TRIT1: variants seen among roughly 807,000 people sequenced by gnomAD.
TRIT1 encodes the protein tRNA isopentenyltransferase 1, also known as tRNA dimethylallyltransferase.
A neutral mutation model predicts 51.2 loss-of-function variants in TRIT1; 43 were observed. The observed-to-expected ratio is 0.84, with a 90% CI of 0.66 to 1.08. The LOEUF (loss-of-function observed/expected upper bound fraction) is 1.08. TRIT1 is among the 50% of genes least tolerant of loss of function. The probability of loss-of-function intolerance (pLI) is 0.00; values close to 1 mark genes in which losing one functional copy is unlikely to be tolerated. For missense variants in TRIT1, 528 were observed against 578.4 expected, an observed-to-expected ratio of 0.91 and a Z score of 0.89; for synonymous variants, 184 against 203.9, an observed-to-expected ratio of 0.90 and a Z score of 0.83.
rs530655560 is a variant in TRIT1, at chr1:39,879,954, A to ATCACGAGG, written c.174+3356_174+3363dup. ...CATTTTGGGAGGTTGAGGTGGGCGG[A>ATCACGAGG]TCACGAGGTCAAGAGATCAAGACCA... On this transcript the variant is annotated intron_variant, in intron 1 of 10. Transcript: ENST00000316891. Among the ~76,000 whole-genome samples, 153 of 151,044 alleles carry ATCACGAGG rather than the reference A, an allele frequency of 1.0e-3. 5 individuals carry two copies. In the East Asian group the frequency reaches 0.025, roughly 24 times the overall value.
At chr1:39,866,518 T>C (rs1237846359) in intron 1 of TRIT1, among the ~76,000 whole-genome samples, 1 of 152,244 alleles carries the variant, frequency 6.6e-6, no homozygotes, top group Non-Finnish European at 1.5e-5. Flanking sequence ...CTTGACTCAC[T>C]TTACTTTTTT....
chr1:39,847,661 C>T lies in TRIT1; in HGVS notation c.816-1G>A, dbSNP rs1474751303. ...GAAGATACCATGTTGATAGTCCTGG[C>T]TGGGAACAGGAGGGTATCAGCAGAT... On this transcript the variant is annotated splice_acceptor_variant, in intron 6 of 10. Coordinates refer to ENST00000316891, the MANE Select transcript of TRIT1 (RefSeq NM_017646.6). LOFTEE classifies it high-confidence loss of function. 6.2e-7 allele frequency: 1 copy of T among 1,614,134 alleles called. No homozygotes were observed. Among genetic ancestry groups the T allele is most frequent in the Admixed American group, 1.7e-5 (1 of 60,022 alleles).
intron 2 of TRIT1, among the ~76,000 whole-genome samples, chr1:39,854,431 C>T (rs1642773466): frequency 6.6e-6 from 1 of 152,234 alleles, no homozygotes; most frequent in Non-Finnish European, 1.5e-5. Flanking sequence ...ATCAAGGTGA[C>T]ATCCATTGCA....
At position 39,841,615 on chromosome 1, in the gene TRIT1, A is replaced by G; in HGVS notation, c.*129T>C. 1.1e-6 allele frequency: 1 copy of G among 940,452 alleles called. No homozygotes were observed. The highest frequency in any genetic ancestry group is 1.5e-6 in the Non-Finnish European group (1 of 654,242). The allele number at this position is 940,452 out of a possible 1,614,324, so 58.3% of individuals were successfully genotyped here. ...GACTTTAAAACCACATCAAAAGAAA[A>G]TGGTGGGAGCTTTTCTGCTATGCAG... On this transcript the variant is annotated 3_prime_UTR_variant, in exon 11 of 11. Transcript: ENST00000316891.
chr1:39,878,995 C>T (rs1219376770), intron 1 of TRIT1, among the ~76,000 whole-genome samples: 1 of 152,156 alleles, frequency 6.6e-6, no homozygotes, highest in Non-Finnish European at 1.5e-5. Context: ...CCTGGCCTGG[C>T]GCAGTGGCTC....
chr1:39,848,338 T>C (rs1642356369), intron 5 of TRIT1, among the ~76,000 whole-genome samples: 1 of 152,142 alleles, frequency 6.6e-6, no homozygotes, highest in African/African-American at 2.4e-5. Flanking sequence ...AGAGAAAGCA[T>C]ACAATTACAG....
At chr1:39,864,834 G>A (rs1266700606) in intron 1 of TRIT1, among the ~76,000 whole-genome samples, 3 of 152,172 alleles carry the variant, frequency 2.0e-5, no homozygotes, top group African/African-American at 7.2e-5. Flanking sequence ...AGAGCTCTGA[G>A]TGCTGGCTGT....
At chr1:39,855,096 T>A (rs1642819481) in intron 2 of TRIT1, among the ~76,000 whole-genome samples, 1 of 152,174 alleles carries the variant, frequency 6.6e-6, no homozygotes, top group South Asian at 2.1e-4. Context: ...AAGCAATCCA[T>A]CCACTGCAGC....
At chr1:39,873,751 C>T (rs982030724) in intron 1 of TRIT1, among the ~76,000 whole-genome samples, 1 of 152,168 alleles carries the variant, frequency 6.6e-6, no homozygotes, top group Non-Finnish European at 1.5e-5. Context: ...GGGCCAGGCA[C>T]AGTGTCTCAC....
At chr1:39,879,451 A>C (rs1480829262) in intron 1 of TRIT1, among the ~76,000 whole-genome samples, 1 of 151,886 alleles carries the variant, frequency 6.6e-6, no homozygotes, top group Non-Finnish European at 1.5e-5. Context: ...TGAAGTGATA[A>C]TATCCATTTT....
chr1:39,851,544 C>T (rs1041835439), intron 4 of TRIT1, among the ~76,000 whole-genome samples: 1 of 152,132 alleles, frequency 6.6e-6, no homozygotes, highest in African/African-American at 2.4e-5. Flanking sequence ...CTAAAACATG[C>T]ATTCTTAATG....
chr1:39,882,338 C>A (rs1016528268), intron 1 of TRIT1, among the ~76,000 whole-genome samples: 2 of 152,218 alleles, frequency 1.3e-5, no homozygotes, highest in African/African-American at 4.8e-5. Flanking sequence ...GGGAAAGGAA[C>A]TGCCCTTCTT....
rs1652481401 is a variant in TRIT1 at position 39,839,238 on chromosome 1, A to G, written c.*2506T>C. Among the ~76,000 whole-genome samples the G allele has an allele frequency of 1.3e-5, 2 of 152,298 alleles. No individual in the cohort carries two copies. Among genetic ancestry groups the G allele is most frequent in the South Asian group, 2.1e-4 (1 of 4,824 alleles). On this transcript the variant is annotated 3_prime_UTR_variant, in exon 11 of 11. Transcript: ENST00000316891. Reference sequence around the variant, plus strand: ...GATTGCTATGGCCAGATGGTACAAAATGGCATTCCTCATTCTCACTCCAGG... The same window carrying G: ...GATTGCTATGGCCAGATGGTACAAAGTGGCATTCCTCATTCTCACTCCAGG...
chr1:39,855,308 T>C (rs1376287385), intron 2 of TRIT1, among the ~76,000 whole-genome samples: 1 of 152,156 alleles, frequency 6.6e-6, no homozygotes, highest in Non-Finnish European at 1.5e-5. Flanking sequence ...GGAAGAAAGA[T>C]GTTACCAATC....
Position 39,848,017 on chromosome 1 carries a change from G to C in TRIT1, c.784C>G (p.Arg262Gly). The C allele has an allele frequency of 6.2e-7, 1 of 1,614,014 alleles. No homozygotes were observed. Among genetic ancestry groups the C allele is most frequent in the Non-Finnish European group, 8.5e-7 (1 of 1,179,966 alleles). Residue 262 changes from arginine (R) to glycine (G), a missense_variant, in exon 6 of 11, where the codon CGC (arginine) becomes GGC (glycine). Transcript: ENST00000316891. ...LLEELRDFHR[R>G]YNQKNVSENS... is the part of the protein sequence containing the mutation. Reference sequence around the variant, plus strand: ...TCCGAAACATTCTTCTGATTATAGCGTCTGTGAAAATCTCTTAGTTCCTCC... The same window carrying C: ...TCCGAAACATTCTTCTGATTATAGCCTCTGTGAAAATCTCTTAGTTCCTCC...
chr1:39,866,630 A>T (rs1643571473), intron 1 of TRIT1, among the ~76,000 whole-genome samples: 1 of 152,164 alleles, frequency 6.6e-6, no homozygotes. Flanking sequence ...TCTGGCAGAA[A>T]TTCAACTGTA....
intron 1 of TRIT1, among the ~76,000 whole-genome samples, chr1:39,865,623 G>A (rs2124646052): frequency 7.3e-6 from 1 of 137,892 alleles, no homozygotes; most frequent in East Asian, 2.2e-4. Flanking sequence ...GATCACTGGA[G>A]CCCAAAGTTT....
chr1:39,852,739 T>C lies in TRIT1; in HGVS notation c.552A>G (p.Lys184=). 6.2e-7 allele frequency: 1 copy of C among 1,613,740 alleles called. No homozygotes were observed. Residue 184 remains lysine (K), a synonymous_variant, in exon 4 of 11, where the codon AAA becomes AAG. Transcript: ENST00000316891. Reference sequence around the variant, plus strand: ...GCGCCAGGCTTTCTTACCTGGCCACTTTGCGTTTGTCATGTGGATGCAGCT... The same window carrying C: ...GCGCCAGGCTTTCTTACCTGGCCACCTTGCGTTTGTCATGTGGATGCAGCT... ...AAKLHPHDKR[K]VARSLQVFEE...
Position 39,859,313 on chromosome 1 carries a change from C to T in TRIT1, c.175-1896G>A, listed in dbSNP as rs60565536. On this transcript the variant is annotated intron_variant, in intron 1 of 10. Coordinates refer to ENST00000316891, the MANE Select transcript of TRIT1 (RefSeq NM_017646.6). ...AAAAAAAAACGAAAGAGGCCAGGTG[C>T]GGAGACTCACACCTGTAATCCTAGC... Among the ~76,000 whole-genome samples the T allele has an allele frequency of 3.2e-3, 407 of 128,100 alleles. 4 individuals are homozygous for T. Among genetic ancestry groups the T allele is most frequent in the African/African-American group, 0.011 (390 of 35,650 alleles). The allele number at this position is 128,100 out of a possible 152,430, so 84.0% of individuals were successfully genotyped here.
Sources: allele counts gnomAD v4.1 joint callset (sites outside exome capture counted in the v4.1 genomes callset), GRCh38; gene constraint gnomAD v4.1.1; transcripts MANE v1.5; gene names NCBI Gene and HGNC (gene_info 2026-07-23, HGNC 2026-07-21).